The following CLTB variants were observed in gnomAD, a reference collection of about 807,000 sequenced individuals.
CLTB encodes clathrin light chain B.
In CLTB, 10 loss-of-function variants were observed where a neutral mutation model predicts 30.5. The ratio of observed to expected loss-of-function variants is 0.33; its 90% CI spans 0.20 to 0.56. The LOEUF is 0.56. Ranked by LOEUF, CLTB falls within the 20% of genes least tolerant of loss-of-function variation. CLTB has a pLI of 0.91. For synonymous variants in CLTB, 102 were observed against 120.3 expected (o/e 0.85, Z 1.00); for missense variants, 261 against 308.3 (o/e 0.85, Z 1.15).
In CLTB at chr5:176,392,597, G is replaced by C. The variant is rs1756302219; in HGVS notation, c.*177C>G. On this transcript the variant is annotated 3_prime_UTR_variant, in exon 6 of 6. Coordinates refer to ENST00000310418, the MANE Select transcript of CLTB (RefSeq NM_007097.5). The surrounding 1 kb of genome is among the most constrained non-coding windows in gnomAD (Gnocchi z 5.2). ...GGAGGCGTGAGGGGCTGGACCAGAG[G>C]GCCAGGAGGGAGCGAGGCGTGATGG... The C allele has an allele frequency of 1.6e-6, 1 of 639,910 alleles. No homozygotes were observed. Among genetic ancestry groups the C allele is most frequent in the Non-Finnish European group, 2.7e-6 (1 of 368,650 alleles). 39.6% of individuals were successfully genotyped at this position (639,910 alleles called of 1,614,324 possible).
At chr5:176,408,000 G>T (rs945308715) in intron 2 of CLTB, among the ~76,000 whole-genome samples, 4 of 152,140 alleles carry the variant, frequency 2.6e-5, no homozygotes, top group African/African-American at 9.7e-5. Context: ...AAAGACCCCA[G>T]GATCAAGGCT....
intron 2 of CLTB, among the ~76,000 whole-genome samples, chr5:176,399,512 C>A (rs1290490549): frequency 6.6e-6 from 1 of 152,110 alleles, no homozygotes; most frequent in Non-Finnish European, 1.5e-5. Context: ...GAGGCCAAGG[C>A]AGGAGGATCA....
chr5:176,406,672 A>G, intron 2 of CLTB: 1 of 1,289,058 alleles, frequency 7.8e-7, no homozygotes, highest in Non-Finnish European at 1.0e-6. Flanking sequence ...TGTATTGGCA[A>G]CTGGGTTTGT....
intron 1 of CLTB, among the ~76,000 whole-genome samples, chr5:176,413,108 T>TA (rs987727384): frequency 1.3e-5 from 2 of 152,110 alleles, no homozygotes; most frequent in Non-Finnish European, 2.9e-5. Context: ...CACACACACC[T>TA]ACACAGCATT....
At chr5:176,404,126 G>A (rs1756978651) in intron 2 of CLTB, among the ~76,000 whole-genome samples, 1 of 152,236 alleles carries the variant, frequency 6.6e-6, no homozygotes, top group South Asian at 2.1e-4. Flanking sequence ...CAGCCAGGAA[G>A]TGGCAGAACC....
intron 1 of CLTB, among the ~76,000 whole-genome samples, chr5:176,414,895 C>T (rs1757618837): frequency 1.3e-5 from 2 of 152,222 alleles, no homozygotes; most frequent in Admixed American, 1.3e-4. Flanking sequence ...TCCTGACACA[C>T]AGTAGGTGCT....
intron 3 of CLTB, 41 bp downstream of exon 3, chr5:176,397,889 C>T (rs1756625052): frequency 1.3e-6 from 2 of 1,574,104 alleles, no homozygotes; most frequent in Non-Finnish European, 1.7e-6. Flanking sequence ...CCACCCCACA[C>T]ACAGCCCACC....
intron 2 of CLTB, among the ~76,000 whole-genome samples, chr5:176,408,673 C>G (rs1270440886): frequency 6.6e-6 from 1 of 152,202 alleles, no homozygotes. Flanking sequence ...TAGGCACACA[C>G]TATTGCCCCA....
At chr5:176,406,745 T>C (rs529979184) in intron 2 of CLTB, 5 of 1,265,648 alleles carry the variant, frequency 4.0e-6, no homozygotes, top group Non-Finnish European at 5.1e-6. Flanking sequence ...ACAAAAGCTC[T>C]GTCTGGGATC....
chr5:176,396,886 C>T (rs776013631), intron 4 of CLTB, among the ~76,000 whole-genome samples: 1 of 152,170 alleles, frequency 6.6e-6, no homozygotes, highest in African/African-American at 2.4e-5. Flanking sequence ...TCCCTGGCCC[C>T]CTGTTGCCTA....
chr5:176,396,451 C>T (rs1163782234), intron 5 of CLTB, 28 bp downstream of exon 5: 3 of 1,601,754 alleles, frequency 1.9e-6, no homozygotes, highest in Non-Finnish European at 2.6e-6. Context: ...TCTAGCTCCC[C>T]CAACAGAGAA....
chr5:176,395,090 C>T (rs1379056822), intron 5 of CLTB, among the ~76,000 whole-genome samples: 1 of 149,720 alleles, frequency 6.7e-6, no homozygotes, highest in African/African-American at 2.5e-5. Context: ...CCCACCCATC[C>T]CCACCATCCC....
chr5:176,406,536 T>C, intron 2 of CLTB: 1 of 1,265,280 alleles, frequency 7.9e-7, no homozygotes, highest in Non-Finnish European at 1.0e-6. Flanking sequence ...ATGATGGGAG[T>C]ATTAGGGGAA....
chr5:176,410,377 C>T, intron 1 of CLTB, 74 bp from the exon 2 acceptor site: 1 of 1,291,622 alleles, frequency 7.7e-7, no homozygotes, highest in African/African-American at 1.5e-5. Context: ...CTACATTAGC[C>T]CCTCAACCCA....
intron 1 of CLTB, among the ~76,000 whole-genome samples, chr5:176,411,972 C>A (rs201872281): frequency 6.6e-6 from 1 of 151,886 alleles, no homozygotes; most frequent in African/African-American, 2.4e-5. Context: ...GTCAGGAGAT[C>A]GAGACCATCC....
At position 176,414,668 on chromosome 5, in the gene CLTB, G is replaced by A. The variant is rs557033045; in HGVS notation, c.187+1509C>T. Among the ~76,000 whole-genome samples, 5 of 152,276 alleles carry A rather than the reference G, an allele frequency of 3.3e-5. No homozygotes were observed. The East Asian group carries it at 5.8e-4, about 18-fold the overall frequency. On this transcript the variant is annotated intron_variant, in intron 1 of 5. Coordinates refer to ENST00000310418, the MANE Select transcript of CLTB (RefSeq NM_007097.5). ...ATGTTGCCCAGGCTCCACAGCATTT[G>A]AAAGAGCATGGAGCCCAGAGTTGGG...
intron 2 of CLTB, among the ~76,000 whole-genome samples, chr5:176,402,220 C>T (rs760633881): frequency 2.0e-5 from 3 of 152,156 alleles, no homozygotes; most frequent in Non-Finnish European, 2.9e-5. Context: ...GAGAATTGAA[C>T]CCGGGAGATG....
intron 5 of CLTB, among the ~76,000 whole-genome samples, chr5:176,394,509 T>TA (rs1165524369): frequency 6.6e-6 from 1 of 151,660 alleles, no homozygotes; most frequent in Non-Finnish European, 1.5e-5. Context: ...CCATCTCTAC[T>TA]AAAAATACAA....
chr5:176,400,870 C>T (rs959723408), intron 2 of CLTB, among the ~76,000 whole-genome samples: 2 of 152,184 alleles, frequency 1.3e-5, no homozygotes, highest in African/African-American at 4.8e-5. Flanking sequence ...ACCCCTGGAG[C>T]CAGCAGGCAC....
Sources: gnomAD v4.1 joint callset for allele counts (sites outside exome capture counted in the v4.1 genomes callset) on GRCh38, gnomAD v4.1.1 for gene constraint, Gnocchi (gnomAD v3.1) non-coding constraint, MANE v1.5 for transcripts, NCBI Gene and HGNC (gene_info 2026-07-23, HGNC 2026-07-21) for gene names.